DACH1: variants seen among roughly 807,000 people sequenced by gnomAD.
DACH1 encodes the protein dachshund homolog 1.
Under a neutral mutation model 54.2 loss-of-function variants are expected in DACH1, and 12 were observed. The observed-to-expected ratio is 0.22, with a 90% confidence interval of 0.14 to 0.36. The LOEUF (loss-of-function observed/expected upper bound fraction) is 0.36, where lower values mean the gene tolerates loss of function less well. Among genes scored for constraint, DACH1 ranks in the 10% least tolerant of loss-of-function variants. DACH1 has a pLI of 1.00. For synonymous variants in DACH1, 386 were observed against 366.2 expected, an observed-to-expected ratio of 1.05 and a Z score of -0.62; for missense variants, 805 against 929.8, an observed-to-expected ratio of 0.87 and a Z score of 1.75.
Position 71,866,378 on chromosome 13 carries a change from C to G in DACH1, c.392G>C (p.Ser131Thr). The part of the protein sequence containing the change: ...GISAGGGVAS[S>T]TPINASTGSS... ...GCCGGTGCTGGCGTTGATGGGGGTG[C>G]TGGAAGCGACGCCGCCGCCAGCGCT... The change falls in exon 1 of 11, where the codon AGC becomes ACC. Residue 131 changes from serine to threonine, a missense_variant. Ser to Thr is a moderately conservative substitution (Grantham distance 58). Around this residue, in one of 3 missense-constraint regions of DACH1, gnomAD observed 305 missense variants for 308.7 expected, o/e 0.99. Transcript: ENST00000613252. 1 of 1,500,404 alleles carries G rather than the reference C, an allele frequency of 6.7e-7. No homozygotes were observed. Among genetic ancestry groups the G allele is most frequent in the Non-Finnish European group, 8.9e-7 (1 of 1,120,898 alleles). The allele number at this position is 1,500,404 out of a possible 1,614,324, so 92.9% of individuals were successfully genotyped here.
rs145580805 is a variant in DACH1 at position 71,598,297 on chromosome 13, C to T, written c.1127-25285G>A. On this transcript the variant is annotated intron_variant, in intron 3 of 10. Transcript: ENST00000613252. ...TGAGATGGAGTCTAGCTCTGTTGCC[C>T]ACCCTGGAGTGCAGTGGCGCAATCT... 1.9e-4 allele frequency among the ~76,000 whole-genome samples: 29 copies of T among 152,076 alleles called. No homozygotes were observed. In the East Asian group the frequency reaches 5.5e-3, roughly 29 times the overall value.
intron 1 of DACH1, among the ~76,000 whole-genome samples, chr13:71,706,026 A>T (rs1882424563): frequency 6.6e-6 from 1 of 152,026 alleles, no homozygotes; most frequent in African/African-American, 2.4e-5. Flanking sequence ...CAATCAAGAA[A>T]TCTAGTGATC....
chr13:71,580,203 A>G (rs1885771818), intron 3 of DACH1, among the ~76,000 whole-genome samples: 1 of 152,236 alleles, frequency 6.6e-6, no homozygotes, highest in African/African-American at 2.4e-5. Flanking sequence ...GTTCTTCAAA[A>G]TAAAGCAGTT....
At chr13:71,762,296 T>C (rs999296163) in intron 1 of DACH1, among the ~76,000 whole-genome samples, 3 of 152,142 alleles carry the variant, frequency 2.0e-5, no homozygotes, top group African/African-American at 4.8e-5. Context: ...CTACAGTGTC[T>C]TAGTCCCTCT....
chr13:71,449,313 G>C (rs992738087), intron 10 of DACH1, among the ~76,000 whole-genome samples: 6 of 152,000 alleles, frequency 3.9e-5, no homozygotes, highest in African/African-American at 1.5e-4. Context: ...GCAACAGAGT[G>C]AGACTGTCTC....
chr13:71,668,157 A>T (rs1300947107), intron 2 of DACH1, among the ~76,000 whole-genome samples: 4 of 151,952 alleles, frequency 2.6e-5, no homozygotes, highest in African/African-American at 7.2e-5. Flanking sequence ...GGAACTAAAC[A>T]TTTTATTGCC....
chr13:71,615,686 A>G (rs1875707691), intron 3 of DACH1, among the ~76,000 whole-genome samples: 1 of 152,216 alleles, frequency 6.6e-6, no homozygotes, highest in African/African-American at 2.4e-5. Context: ...ATATTCAGTC[A>G]TGATCAACTA....
chr13:71,482,737 G>C (rs1378998395), intron 7 of DACH1, among the ~76,000 whole-genome samples: 1 of 149,752 alleles, frequency 6.7e-6, no homozygotes. Context: ...TTGGAATCAG[G>C]AACTTTTGTA....
chr13:71,681,143 T>C (rs1880874827), intron 2 of DACH1, among the ~76,000 whole-genome samples: 1 of 152,138 alleles, frequency 6.6e-6, no homozygotes, highest in Admixed American at 6.5e-5. Flanking sequence ...CATATGTTTA[T>C]GTAAATAATC....
At chr13:71,621,323 G>C (rs1566384550) in intron 3 of DACH1, among the ~76,000 whole-genome samples, 1 of 151,964 alleles carries the variant, frequency 6.6e-6, no homozygotes, top group African/African-American at 2.4e-5. Flanking sequence ...AAGGGAAAAA[G>C]TCCCTGTCGC....
chr13:71,775,113 C>A (rs9529914), intron 1 of DACH1, among the ~76,000 whole-genome samples: 2,254 of 132,560 alleles, frequency 0.017, 26 homozygotes, highest in Non-Finnish European at 0.025. Context: ...AGCAAGACTC[C>A]ATCTCAACAC....
intron 2 of DACH1, among the ~76,000 whole-genome samples, chr13:71,665,003 A>G (rs886765656): frequency 5.9e-5 from 9 of 152,010 alleles, no homozygotes; most frequent in African/African-American, 2.2e-4. Context: ...TTTACTACTA[A>G]TGAGCAATAG....
At chr13:71,613,571 A>C (rs901907458) in intron 3 of DACH1, among the ~76,000 whole-genome samples, 1 of 152,146 alleles carries the variant, frequency 6.6e-6, no homozygotes, top group Non-Finnish European at 1.5e-5. Context: ...GAGTGCTGAT[A>C]ATTTGAGTTA....
At chr13:71,574,840 A>G (rs1001055607) in intron 3 of DACH1, among the ~76,000 whole-genome samples, 1 of 152,032 alleles carries the variant, frequency 6.6e-6, no homozygotes, top group Non-Finnish European at 1.5e-5. Context: ...CATAAAAGAA[A>G]TTTCTCCAGC....
At chr13:71,477,417 G>C (rs990387481) in intron 8 of DACH1, among the ~76,000 whole-genome samples, 2 of 151,608 alleles carry the variant, frequency 1.3e-5, no homozygotes, top group Admixed American at 6.6e-5. Flanking sequence ...CACCGTGCCC[G>C]GCCTATTATT....
intron 7 of DACH1, among the ~76,000 whole-genome samples, chr13:71,486,812 TTATCTATCTATCTATC>T (rs4053561): frequency 4.2e-3 from 177 of 41,804 alleles, no homozygotes; most frequent in East Asian, 9.5e-3. Context: ...ATTTATTTAT[TTATCTATCTATCTATC>T]TATCTATCTA....
intron 1 of DACH1, among the ~76,000 whole-genome samples, chr13:71,798,092 A>C (rs535704110): frequency 6.6e-6 from 1 of 152,098 alleles, no homozygotes; most frequent in African/African-American, 2.4e-5. Context: ...TAGCCTGGTC[A>C]AAATTAAAAT....
chr13:71,787,459 A>AT, intron 1 of DACH1, among the ~76,000 whole-genome samples: 1 of 152,218 alleles, frequency 6.6e-6, no homozygotes, highest in Middle Eastern at 3.4e-3. Flanking sequence ...AGGTTTTAGG[A>AT]TTTTCAAAGC....
At chr13:71,552,950 G>A (rs1435742094) in intron 6 of DACH1, among the ~76,000 whole-genome samples, 1 of 146,490 alleles carries the variant, frequency 6.8e-6, no homozygotes, top group East Asian at 2.0e-4. Context: ...GGGAAGCCAA[G>A]GCAGGTGGAT....
Sources: allele counts gnomAD v4.1 joint callset (sites outside exome capture counted in the v4.1 genomes callset), GRCh38; gene constraint gnomAD v4.1.1; regional missense constraint gnomAD v4.1.1; transcripts MANE v1.5; gene names NCBI Gene and HGNC (gene_info 2026-07-23, HGNC 2026-07-21).